Variants in CMTR1 observed in about 807,000 individuals in gnomAD.
CMTR1 encodes cap-specific mRNA (nucleoside-2'-O-)-methyltransferase 1.
CMTR1 carries 39 observed loss-of-function variants against 107.0 expected under a neutral mutation model. The ratio of observed to expected loss-of-function variants is 0.36; its 90% CI spans 0.28 to 0.48. The LOEUF (loss-of-function observed/expected upper bound fraction) is 0.48, where lower values mean the gene tolerates loss of function less well. Ranked by LOEUF, CMTR1 falls within the 20% of genes least tolerant of loss-of-function variation. CMTR1 has a pLI of 0.99. For missense variants in CMTR1, 672 were observed against 1,064.9 expected (o/e 0.63, Z 5.14); for synonymous variants, 366 against 379.5 (o/e 0.96, Z 0.41).
chr6:37,453,113 A>G lies in CMTR1; in HGVS notation c.676A>G (p.Met226Val). ...RARTRANPYE[M>V]IRGVFFLNRA... The stretch of plus-strand genomic sequence containing the variant: ...TCGGACTCGGGCCAATCCCTATGAG[A>G]TGATCCGAGGAGTCTTCTTTCTAAA... The change falls in exon 7 of 24, where the codon ATG (methionine) becomes GTG (valine). Residue 226 changes from methionine to valine, a missense_variant. Met to Val is a conservative substitution (Grantham distance 21). Transcript: ENST00000373451. 1 of 1,614,078 alleles carries G rather than the reference A, an allele frequency of 6.2e-7. No individual in the cohort carries two copies. The highest frequency in any genetic ancestry group is 1.7e-5 in the Admixed American group (1 of 60,014).
At chr6:37,474,718 G>T (rs906324138) in intron 18 of CMTR1, 72 bp downstream of exon 18, 12 of 1,586,102 alleles carry the variant, frequency 7.6e-6, no homozygotes, top group Admixed American at 1.7e-5. Flanking sequence ...CTGGCCTTTT[G>T]CCCTGAGTTA....
At chr6:37,464,231 T>A (rs1273394439) in intron 13 of CMTR1, among the ~76,000 whole-genome samples, 1 of 152,036 alleles carries the variant, frequency 6.6e-6, no homozygotes, top group Non-Finnish European at 1.5e-5. Context: ...TTTGGGAGGC[T>A]GAGGCAGATG....
Position 37,472,209 on chromosome 6 carries a change from A to G in CMTR1, c.1621-210A>G, listed in dbSNP as rs577290173. Among the ~76,000 whole-genome samples the G allele has an allele frequency of 6.6e-6, 1 of 152,236 alleles. No individual in the cohort carries two copies. Among genetic ancestry groups the G allele is most frequent in the African/African-American group, 2.4e-5 (1 of 41,544 alleles). On this transcript the variant is annotated intron_variant, in intron 15 of 23. Coordinates refer to ENST00000373451, the MANE Select transcript of CMTR1 (RefSeq NM_015050.3). This position sits in a 1 kb window ranked among gnomAD's most constrained non-coding sequence, Gnocchi z 4.1. ...ACTGACAACAGAGAGCCCCAGAGAA[A>G]AGGAAGTAGCCTTTGGGGTCCATTG...
upstream of CMTR1, among the ~76,000 whole-genome samples, chr6:37,432,787 C>G (rs17572459): frequency 0.12 from 17,871 of 152,180 alleles, 1,115 homozygotes; most frequent in South Asian, 0.15. Flanking sequence ...TGGTAAGATG[C>G]TACAGGCGGC....
chr6:37,466,115 T>G (rs1412387337), intron 13 of CMTR1, among the ~76,000 whole-genome samples: 1 of 114,044 alleles, frequency 8.8e-6, no homozygotes, highest in African/African-American at 6.7e-5. Flanking sequence ...ACAGTTTTTG[T>G]TTTTTTTTTT....
At chr6:37,460,855 C>A (rs1414222415) in intron 10 of CMTR1, among the ~76,000 whole-genome samples, 3 of 152,178 alleles carry the variant, frequency 2.0e-5, no homozygotes, top group African/African-American at 7.2e-5. Context: ...ACTGTGCCAC[C>A]TGATGTCCCC....
chr6:37,435,319 G>A (rs1313303654), intron 1 of CMTR1, among the ~76,000 whole-genome samples: 4 of 152,186 alleles, frequency 2.6e-5, no homozygotes, highest in African/African-American at 9.7e-5. Context: ...AGGTACCAAG[G>A]CTTTATCCCC....
At chr6:37,467,916 A>G (rs1329698859) in intron 13 of CMTR1, among the ~76,000 whole-genome samples, 1 of 152,014 alleles carries the variant, frequency 6.6e-6, no homozygotes, top group Admixed American at 6.5e-5. Flanking sequence ...AAGTCTCTGC[A>G]TTTTAATTGG....
intron 1 of CMTR1, among the ~76,000 whole-genome samples, chr6:37,435,237 G>A (rs1367164407): frequency 1.3e-5 from 2 of 152,170 alleles, no homozygotes; most frequent in African/African-American, 2.4e-5. Flanking sequence ...ATATTTATTC[G>A]GTTTTATAGT....
Position 37,448,704 on chromosome 6 carries a change from C to T in CMTR1, c.445-1547C>T, listed in dbSNP as rs547191429. On this transcript the variant is annotated intron_variant, in intron 4 of 23. Transcript: ENST00000373451. ...AATATTACTTTTAATCACATTGCTT[C>T]AATTTGCAATGGTGAATCTCTTCTC... 1.3e-4 allele frequency among the ~76,000 whole-genome samples: 20 copies of T among 152,308 alleles called. 1 individual carries two copies. In the South Asian group the frequency reaches 3.7e-3, roughly 28 times the overall value.
At chr6:37,470,932 C>A in intron 13 of CMTR1, 89 bp from the exon 14 acceptor site, 2 of 1,031,604 alleles carry the variant, frequency 1.9e-6, no homozygotes, top group African/African-American at 1.6e-5. Context: ...ATATAGATGG[C>A]CACTGCTCCC....
chr6:37,471,211 T>G (rs1363347699), intron 14 of CMTR1, 134 bp downstream of exon 14: 7 of 725,844 alleles, frequency 9.6e-6, no homozygotes, highest in Middle Eastern at 2.4e-4. Context: ...TCTGCTATGG[T>G]CTCTGAAGGA....
At position 37,472,544 on chromosome 6, in the gene CMTR1, A is replaced by G. The variant is rs551890365; in HGVS notation, c.1689+57A>G. 1 of 1,539,314 alleles carries G rather than the reference A, an allele frequency of 6.5e-7. No homozygotes were observed. The highest frequency in any genetic ancestry group is 9.0e-7 in the Non-Finnish European group (1 of 1,112,516). On this transcript the variant is annotated intron_variant, in intron 16 of 23. Transcript: ENST00000373451. This position sits in a 1 kb window ranked among gnomAD's most constrained non-coding sequence, Gnocchi z 4.1. Reference sequence around the variant, plus strand: ...GTTAGAGATCTGTCTCTAGATGTGGATGGTATCACTGAGGCCCCAGATGCA... The same window carrying G: ...GTTAGAGATCTGTCTCTAGATGTGGGTGGTATCACTGAGGCCCCAGATGCA...
intron 10 of CMTR1, among the ~76,000 whole-genome samples, chr6:37,460,510 G>C (rs1383016478): frequency 6.6e-6 from 1 of 151,606 alleles, no homozygotes; most frequent in Non-Finnish European, 1.5e-5. Flanking sequence ...CACTTCAGCA[G>C]TGTAAAGGGG....
chr6:37,428,658 AT>A (rs1168510536), upstream of CMTR1, among the ~76,000 whole-genome samples: 4 of 152,012 alleles, frequency 2.6e-5, no homozygotes, highest in Non-Finnish European at 5.9e-5. Context: ...GCGTTTCACC[AT>A]GTTGGCCAGG....
chr6:37,469,678 C>A (rs1324392721), intron 13 of CMTR1, among the ~76,000 whole-genome samples: 2 of 151,542 alleles, frequency 1.3e-5, no homozygotes, highest in Non-Finnish European at 1.5e-5. Context: ...CAGGTGCCCA[C>A]CACCATGCCT....
chr6:37,474,749 G>A, intron 18 of CMTR1, 103 bp downstream of exon 18: 1 of 1,518,828 alleles, frequency 6.6e-7, no homozygotes, highest in Non-Finnish European at 8.9e-7. Context: ...ATTGTGTGGT[G>A]GCTGACAGGG....
chr6:37,451,720 A>G, intron 5 of CMTR1, 86 bp from the exon 6 acceptor site: 2 of 959,860 alleles, frequency 2.1e-6, no homozygotes, highest in East Asian at 2.4e-5. Flanking sequence ...TTCTTGCTCT[A>G]CTTACTTGGA....
Position 37,479,130 on chromosome 6 carries a change from C to T in CMTR1, c.2267-17C>T. 1.3e-6 allele frequency: 2 copies of T among 1,586,288 alleles called. No individual in the cohort carries two copies. The highest frequency in any genetic ancestry group is 1.7e-6 in the Non-Finnish European group (2 of 1,154,900). ...TTTGTGTCCCTTCTGGGCTTCATCCCCTCTTCCTCCCATCAGAGCCCTGGA... is the reference window on the plus strand; with the variant it reads ...TTTGTGTCCCTTCTGGGCTTCATCCTCTCTTCCTCCCATCAGAGCCCTGGA... On this transcript the variant is annotated splice_polypyrimidine_tract_variant and intron_variant, in intron 22 of 23. Coordinates refer to ENST00000373451, the MANE Select transcript of CMTR1 (RefSeq NM_015050.3).
Sources: gnomAD v4.1 joint callset for allele counts (sites outside exome capture counted in the v4.1 genomes callset) on GRCh38, gnomAD v4.1.1 for gene constraint, Gnocchi (gnomAD v3.1) non-coding constraint, MANE v1.5 for transcripts, NCBI Gene and HGNC (gene_info 2026-07-23, HGNC 2026-07-21) for gene names.